Variants in VWA5B1 observed in about 807,000 individuals in gnomAD.
VWA5B1 encodes the protein von Willebrand factor A domain containing 5B1, also known as von Willebrand factor A domain-containing protein 5B1.
VWA5B1 carries 115 observed loss-of-function variants against 118.2 expected under a neutral mutation model. The ratio of observed to expected loss-of-function variants is 0.97; its 90% CI spans 0.84 to 1.14. The LOEUF (loss-of-function observed/expected upper bound fraction) is 1.14, where lower values mean the gene tolerates loss of function less well. Ranked by LOEUF, VWA5B1 falls within the 50% of genes most tolerant of loss-of-function variation. The pLI, the probability that VWA5B1 is intolerant of heterozygous loss-of-function variation, is 0.00. For missense variants in VWA5B1, 1,596 were observed against 1,603.8 expected, an observed-to-expected ratio of 1.00 and a Z score of 0.08; for synonymous variants, 682 against 658.4, an observed-to-expected ratio of 1.04 and a Z score of -0.55.
At chr1:20,313,292 C>T (rs1444030555) in intron 3 of VWA5B1, among the ~76,000 whole-genome samples, 1 of 152,252 alleles carries the variant, frequency 6.6e-6, no homozygotes, top group Non-Finnish European at 1.5e-5. Context: ...AACAGAATAA[C>T]ATATCTTTTA....
intron 11 of VWA5B1, among the ~76,000 whole-genome samples, chr1:20,331,544 G>A (rs545974881): frequency 4.3e-4 from 66 of 152,348 alleles, no homozygotes; most frequent in Admixed American, 1.1e-3. Context: ...CAAGAGGCCA[G>A]TCCAACAGCT....
rs1033219309 is a variant in VWA5B1 at position 20,310,887 on chromosome 1, C to G, written c.139+147C>G. On this transcript the variant is annotated intron_variant, in intron 2 of 21. Transcript: ENST00000289815. ...CATCTATAAAATGGTGAGATTCTTT[C>G]TGCTTTGCAGGCCTCAAAGCTAGTA... 2.4e-6 allele frequency: 3 copies of G among 1,224,504 alleles called. No individual in the cohort carries two copies. In the African/African-American group the frequency reaches 4.6e-5, roughly 19 times the overall value. 75.9% of individuals were successfully genotyped at this position (1,224,504 alleles called of 1,614,324 possible).
intron 6 of VWA5B1, among the ~76,000 whole-genome samples, chr1:20,319,004 G>T (rs1014747526): frequency 6.6e-6 from 1 of 152,170 alleles, no homozygotes; most frequent in Non-Finnish European, 1.5e-5. Context: ...ACAGAGAGAG[G>T]ATCTTTGAAA....
intron 1 of VWA5B1, among the ~76,000 whole-genome samples, chr1:20,302,870 T>C (rs2088536455): frequency 6.6e-6 from 1 of 152,060 alleles, no homozygotes. Flanking sequence ...GTCAGCCTTG[T>C]TTGGAGACGT....
At chr1:20,331,990 C>T (rs1023982397) in intron 11 of VWA5B1, among the ~76,000 whole-genome samples, 4 of 152,128 alleles carry the variant, frequency 2.6e-5, no homozygotes, top group African/African-American at 7.2e-5. Flanking sequence ...TACTAAATAC[C>T]TACCACATGT....
chr1:20,325,084 A>G (rs553581988), intron 8 of VWA5B1, among the ~76,000 whole-genome samples: 67 of 152,212 alleles, frequency 4.4e-4, no homozygotes, highest in Non-Finnish European at 6.3e-4. Context: ...TCCACTTTCC[A>G]GGTAAAGAAA....
At chr1:20,336,948 A>C (rs2089735285) in intron 13 of VWA5B1, among the ~76,000 whole-genome samples, 1 of 152,110 alleles carries the variant, frequency 6.6e-6, no homozygotes. Context: ...AGAAATGAGC[A>C]CATCTGCTAG....
At chr1:20,302,101 C>T (rs1052495439) in intron 1 of VWA5B1, among the ~76,000 whole-genome samples, 2 of 152,180 alleles carry the variant, frequency 1.3e-5, no homozygotes, top group African/African-American at 4.8e-5. Context: ...GCCCCAGACA[C>T]CGTGGTGGCT....
chr1:20,345,626 G>A (rs2089992014), intron 17 of VWA5B1, 33 bp downstream of exon 17: 1 of 1,515,232 alleles, frequency 6.6e-7, no homozygotes. Flanking sequence ...GGCACTCCTG[G>A]GGGCCAAGCA....
chr1:20,323,401 T>A lies in VWA5B1; in HGVS notation c.1012T>A (p.Ser338Thr). 6.5e-7 allele frequency: 1 copy of A among 1,527,288 alleles called. No homozygotes were observed. The highest frequency in any genetic ancestry group is 1.4e-5 in the African/African-American group (1 of 71,908). The allele number at this position is 1,527,288 out of a possible 1,614,324, so 94.6% of individuals were successfully genotyped here. ...CCTCCACAAAGACATTCCCCACCAC[T>A]CCGTCATCATGCTCAACTTCTGTCC... ...KRLHKDIPHH[S>T]VIMLNFCPDL... The change falls in exon 8 of 22, where the codon TCC (serine) becomes ACC (threonine). Residue 338 changes from serine to threonine, a missense_variant. Coordinates refer to ENST00000289815, the MANE Select transcript of VWA5B1 (RefSeq NM_001039500.3).
Position 20,327,915 on chromosome 1 carries a change from G to A in VWA5B1, c.1169G>A (p.Ser390Asn). ...GATGCCATGTTGGTGGCCCTTAAGAGCCTCATGCCAGCCTGCCTCTTCAAT... is the reference window on the plus strand; with the variant it reads ...GATGCCATGTTGGTGGCCCTTAAGAACCTCATGCCAGCCTGCCTCTTCAAT... Reference protein sequence around the residue: ...VKDAMLVALKSLMPACLFNII... With the variant: ...VKDAMLVALKNLMPACLFNII... Residue 390 changes from serine to asparagine, a missense_variant, in exon 9 of 22, where the codon AGC (serine) becomes AAC (asparagine). Coordinates refer to ENST00000289815, the MANE Select transcript of VWA5B1 (RefSeq NM_001039500.3). 6.4e-7 allele frequency: 1 copy of A among 1,551,574 alleles called. No individual in the cohort carries two copies. The highest frequency in any genetic ancestry group is 8.7e-7 in the Non-Finnish European group (1 of 1,146,988).
intron 9 of VWA5B1, among the ~76,000 whole-genome samples, chr1:20,329,287 C>CTTTTTTTTTTTTTT (rs10578067): frequency 1.1e-5 from 1 of 89,216 alleles, no homozygotes; most frequent in African/African-American, 5.0e-5. Context: ...TTTCTTTTCC[C>CTTTTTTTTTTTTTT]TTTTTTTTTT....
At position 20,354,263 on chromosome 1, in the gene VWA5B1, GTT is replaced by G; in HGVS notation, c.*1_*2del. 1.3e-6 allele frequency: 2 copies of G among 1,522,258 alleles called. No homozygotes were observed. The highest frequency in any genetic ancestry group is 1.8e-6 in the Non-Finnish European group (2 of 1,129,110). The allele number at this position is 1,522,258 out of a possible 1,614,324, so 94.3% of individuals were successfully genotyped here. On this transcript the variant is annotated 3_prime_UTR_variant, in exon 22 of 22. Transcript: ENST00000289815. ...TCTGCTATAACCCGAATTATGTGTAGTTGAGTGACGGGGAGGCTGGGTGGAGG... is the reference window on the plus strand; with the variant it reads ...TCTGCTATAACCCGAATTATGTGTAGGAGTGACGGGGAGGCTGGGTGGAGG...
In VWA5B1 at chr1:20,355,975, G is replaced by A. The variant is rs900764162; in HGVS notation, c.*1712G>A. ...GGACACTGTGGCCATCACAACCCCA[G>A]GTGGGGCAGGATGCCAATCTGGGGT... On this transcript the variant is annotated 3_prime_UTR_variant, in exon 22 of 22. Coordinates refer to ENST00000289815, the MANE Select transcript of VWA5B1 (RefSeq NM_001039500.3). Among the ~76,000 whole-genome samples, 1 of 152,228 alleles carries A rather than the reference G, an allele frequency of 6.6e-6. No homozygotes were observed. The highest frequency in any genetic ancestry group is 1.5e-5 in the Non-Finnish European group (1 of 68,044).
intron 21 of VWA5B1, 94 bp downstream of exon 21, chr1:20,352,266 A>G: frequency 1.1e-6 from 1 of 931,550 alleles, no homozygotes; most frequent in Non-Finnish European, 1.6e-6. Flanking sequence ...CACTTCCTCA[A>G]AGAGAAGAAG....
intron 1 of VWA5B1, among the ~76,000 whole-genome samples, chr1:20,297,268 G>A (rs1260602429): frequency 2.6e-5 from 4 of 152,226 alleles, no homozygotes; most frequent in Non-Finnish European, 4.4e-5. Context: ...AAGCAGCAAC[G>A]TTTTAATTCC....
chr1:20,330,426 C>T (rs192896270), intron 10 of VWA5B1, 44 bp downstream of exon 10: 359 of 1,545,436 alleles, frequency 2.3e-4, no homozygotes, highest in Non-Finnish European at 2.8e-4. Context: ...TCCAGGCTGC[C>T]GGGGCTGGGG....
At position 20,354,301 on chromosome 1, in the gene VWA5B1, G is replaced by T; in HGVS notation, c.*38G>T. The T allele has an allele frequency of 7.0e-6, 9 of 1,281,486 alleles. No homozygotes were observed. The highest frequency in any genetic ancestry group is 8.6e-6 in the Non-Finnish European group (8 of 927,700). The allele number at this position is 1,281,486 out of a possible 1,614,324, so 79.4% of individuals were successfully genotyped here. ...GAGGCTGGGTGGAGGGAAGGGTGGG[G>T]AGGAGAGGGATGGGCAGGGCCATGT... On this transcript the variant is annotated 3_prime_UTR_variant, in exon 22 of 22. Transcript: ENST00000289815.
In VWA5B1 at chr1:20,354,212, G is replaced by T; in HGVS notation, c.3597G>T (p.Trp1199Cys). The T allele has an allele frequency of 6.4e-7, 1 of 1,551,204 alleles. No homozygotes were observed. Among genetic ancestry groups the T allele is most frequent in the South Asian group, 1.2e-5 (1 of 84,048 alleles). The change falls in exon 22 of 22, where the codon TGG becomes TGT. Residue 1199 changes from tryptophan to cysteine, a missense_variant. Coordinates refer to ENST00000289815, the MANE Select transcript of VWA5B1 (RefSeq NM_001039500.3). Reference protein sequence around the residue: ...ARQLFVLLRHWDENLEFNMLC... With the variant: ...ARQLFVLLRHCDENLEFNMLC... ...AGCTGTTTGTGCTTCTGCGGCACTGGGATGAGAATCTCGAGTTCAATATGC... is the reference window on the plus strand; with the variant it reads ...AGCTGTTTGTGCTTCTGCGGCACTGTGATGAGAATCTCGAGTTCAATATGC...
Sources: allele counts gnomAD v4.1 joint callset (sites outside exome capture counted in the v4.1 genomes callset), GRCh38; gene constraint gnomAD v4.1.1; transcripts MANE v1.5; gene names NCBI Gene and HGNC (gene_info 2026-07-23, HGNC 2026-07-21).